Variants in COL4A2 observed in about 807,000 individuals in gnomAD.
The protein encoded by COL4A2 is collagen alpha-2(IV) chain.
Under a neutral mutation model 200.2 loss-of-function variants are expected in COL4A2, and 99 were observed. The observed-to-expected ratio is 0.49, with a 90% CI of 0.42 to 0.58. COL4A2 has a LOEUF of 0.58. COL4A2 is among the 20% of genes least tolerant of loss of function. The pLI is 0.00. For missense variants in COL4A2, 1,950 were observed against 2,314.1 expected (o/e 0.84, Z 3.23); for synonymous variants, 897 against 900.6 (o/e 1.00, Z 0.07).
intron 30 of COL4A2, among the ~76,000 whole-genome samples, chr13:110,478,642 C>G (rs780744661): frequency 1.3e-5 from 2 of 152,178 alleles, no homozygotes; most frequent in Non-Finnish European, 2.9e-5. Context: ...GGCACAGCAT[C>G]CATGGGCATT....
Position 110,438,654 on chromosome 13 carries a change from T to A in COL4A2, c.898T>A (p.Phe300Ile), listed in dbSNP as rs1321669035. 2 of 1,614,246 alleles carry A rather than the reference T, an allele frequency of 1.2e-6. No homozygotes were observed. The highest frequency in any genetic ancestry group is 1.7e-6 in the Non-Finnish European group (2 of 1,180,036). The change falls in exon 15 of 48, where the codon TTT becomes ATT. Residue 300 changes from phenylalanine (F) to isoleucine (I), a missense_variant. Around this residue, in one of 2 missense-constraint regions of COL4A2, gnomAD observed 565 missense variants for 593.5 expected, o/e 0.95. Coordinates refer to ENST00000360467, the MANE Select transcript of COL4A2 (RefSeq NM_001846.4). Reference sequence around the variant, plus strand: ...GAAGGGAGAAGAAGGAATCATGGGCTTTCCTGGACTGAGGGTAAACCACGC... The same window carrying A: ...GAAGGGAGAAGAAGGAATCATGGGCATTCCTGGACTGAGGGTAAACCACGC... Reference protein sequence around the residue: ...SLKGEEGIMGFPGLRGYPGLS... With the variant: ...SLKGEEGIMGIPGLRGYPGLS...
intron 4 of COL4A2, among the ~76,000 whole-genome samples, chr13:110,380,763 A>G (rs1878438652): frequency 6.6e-6 from 1 of 150,606 alleles, no homozygotes; most frequent in Admixed American, 6.6e-5. Context: ...TCTCACACCC[A>G]TGGGCTCTGT....
chr13:110,388,658 C>T (rs1878865533), intron 4 of COL4A2, among the ~76,000 whole-genome samples: 1 of 152,206 alleles, frequency 6.6e-6, no homozygotes, highest in African/African-American at 2.4e-5. Context: ...TTTCACCCCT[C>T]ACATATACGA....
chr13:110,474,349 A>G (rs1453764861), intron 29 of COL4A2, among the ~76,000 whole-genome samples: 1 of 152,312 alleles, frequency 6.6e-6, no homozygotes, highest in East Asian at 1.9e-4. Flanking sequence ...AGGCGAACCC[A>G]TGAAGCTCAG....
At chr13:110,309,725 C>T (rs544699849) in intron 3 of COL4A2, among the ~76,000 whole-genome samples, 8 of 152,236 alleles carry the variant, frequency 5.3e-5, no homozygotes, top group South Asian at 2.1e-4. Context: ...TGGCGGCTCA[C>T]GCCTGTAATC....
At position 110,493,573 on chromosome 13, in the gene COL4A2, G is replaced by A. The variant is rs921797368; in HGVS notation, c.3634+291G>A. Among the ~76,000 whole-genome samples, 9 of 152,268 alleles carry A rather than the reference G, an allele frequency of 5.9e-5. 1 individual carries two copies. The highest frequency in any genetic ancestry group is 2.2e-4 in the African/African-American group (9 of 41,548). ...GAGTCCTTGCTTTTTCAGCAGCACC[G>A]TTGGGAGGGTGGGATGCACCTGCGC... On this transcript the variant is annotated intron_variant, in intron 39 of 47. Transcript: ENST00000360467.
chr13:110,381,067 G>C (rs1316551168), intron 4 of COL4A2, among the ~76,000 whole-genome samples: 2 of 143,786 alleles, frequency 1.4e-5, no homozygotes, highest in African/African-American at 2.6e-5. Flanking sequence ...CACACCCACG[G>C]GCTCTATCTC....
At chr13:110,507,641 G>C (rs1482987115) in intron 46 of COL4A2, 1 of 511,816 alleles carries the variant, frequency 2.0e-6, no homozygotes, top group African/African-American at 1.9e-5. Flanking sequence ...CTAAGGTAAG[G>C]CTCACCCAAA....
At chr13:110,469,549 A>G (rs924865829) in intron 28 of COL4A2, among the ~76,000 whole-genome samples, 3 of 152,218 alleles carry the variant, frequency 2.0e-5, no homozygotes, top group Admixed American at 2.0e-4. Context: ...AGGAAAAAGG[A>G]GACAGGTGTT....
intron 4 of COL4A2, among the ~76,000 whole-genome samples, chr13:110,414,720 G>A (rs948864990): frequency 1.3e-5 from 2 of 152,192 alleles, no homozygotes; most frequent in African/African-American, 4.8e-5. Flanking sequence ...ATATTATATT[G>A]GTCTAATTTC....
At chr13:110,507,034 G>A (rs1034405516) in intron 46 of COL4A2, among the ~76,000 whole-genome samples, 5 of 152,190 alleles carry the variant, frequency 3.3e-5, no homozygotes, top group East Asian at 1.9e-4. Context: ...CCATGGACAC[G>A]TGTGCATGCT....
chr13:110,428,342 G>T, intron 6 of COL4A2, 125 bp from the exon 7 acceptor site: 1 of 642,784 alleles, frequency 1.6e-6, no homozygotes. Flanking sequence ...CACTTTTGAG[G>T]TGTCTTTTCC....
chr13:110,464,639 T>C (rs1882160400), intron 24 of COL4A2, among the ~76,000 whole-genome samples: 2 of 152,190 alleles, frequency 1.3e-5, no homozygotes, highest in Non-Finnish European at 2.9e-5. Context: ...GGGGCTGTGG[T>C]GTCAGTGGAG....
At chr13:110,415,559 A>G (rs934845280) in intron 4 of COL4A2, among the ~76,000 whole-genome samples, 1 of 152,192 alleles carries the variant, frequency 6.6e-6, no homozygotes, top group African/African-American at 2.4e-5. Context: ...TACTTGGCCA[A>G]TGTGGTGTGT....
intron 29 of COL4A2, among the ~76,000 whole-genome samples, chr13:110,474,106 G>T (rs1327858800): frequency 6.6e-6 from 1 of 151,406 alleles, no homozygotes; most frequent in Non-Finnish European, 1.5e-5. Context: ...CAGCCTGCGT[G>T]ACAGAGTGAG....
chr13:110,499,555 A>G (rs1883574422), intron 40 of COL4A2, among the ~76,000 whole-genome samples: 1 of 152,268 alleles, frequency 6.6e-6, no homozygotes, highest in Non-Finnish European at 1.5e-5. Flanking sequence ...GCCAAACCGT[A>G]TCACAGCTCA....
At chr13:110,387,576 G>GC (rs552003380) in intron 4 of COL4A2, among the ~76,000 whole-genome samples, 32 of 152,362 alleles carry the variant, frequency 2.1e-4, no homozygotes, top group East Asian at 7.7e-4. Context: ...GCAGTCGGGG[G>GC]CCCCGAGCTG....
At chr13:110,415,478 T>C (rs1424195320) in intron 4 of COL4A2, among the ~76,000 whole-genome samples, 1 of 152,208 alleles carries the variant, frequency 6.6e-6, no homozygotes, top group Non-Finnish European at 1.5e-5. Context: ...GGAAAAAAGC[T>C]GTGCATCACA....
chr13:110,428,821 C>A (rs764188651), intron 7 of COL4A2, among the ~76,000 whole-genome samples: 4 of 152,232 alleles, frequency 2.6e-5, no homozygotes, highest in Non-Finnish European at 5.9e-5. Flanking sequence ...CCAAGTGTCA[C>A]TTCATTTTCT....
Sources: gnomAD v4.1 joint callset for allele counts (sites outside exome capture counted in the v4.1 genomes callset) on GRCh38, gnomAD v4.1.1 for gene constraint, gnomAD v4.1.1 regional missense constraint, MANE v1.5 for transcripts, NCBI Gene and HGNC (gene_info 2026-07-23, HGNC 2026-07-21) for gene names.